The following SYNJ2 variants were observed in gnomAD, a reference collection of about 807,000 sequenced individuals.
The protein encoded by SYNJ2 is polyphosphatidylinositol phosphatase SYNJ2.
Under a neutral mutation model 141.3 loss-of-function variants are expected in SYNJ2, and 116 were observed. That is an observed-to-expected ratio of 0.82 (90% CI 0.71 to 0.96). The LOEUF (loss-of-function observed/expected upper bound fraction) is 0.96, where lower values mean the gene tolerates loss of function less well. Among genes scored for constraint, SYNJ2 ranks in the 40% least tolerant of loss-of-function variants. The pLI is 0.00. For missense variants in SYNJ2, 1,873 were observed against 1,934.8 expected, an observed-to-expected ratio of 0.97 and a Z score of 0.60; for synonymous variants, 745 against 777.7, an observed-to-expected ratio of 0.96 and a Z score of 0.70.
In SYNJ2 at chr6:158,066,615, C is replaced by T. The variant is rs149600523; in HGVS notation, c.1697C>T (p.Ser566Leu). The T allele has an allele frequency of 1.6e-5, 26 of 1,613,538 alleles. No individual in the cohort carries two copies. Among genetic ancestry groups the T allele is most frequent in the African/African-American group, 1.5e-4 (11 of 74,918 alleles). Residue 566 changes from serine to leucine, a missense_variant, in exon 12 of 27, where the codon TCG (serine) becomes TTG (leucine). Ser to Leu is a moderately radical substitution (Grantham distance 145). Coordinates refer to ENST00000355585, the MANE Select transcript of SYNJ2 (RefSeq NM_003898.4). ...TGGCTGCTCGACTCGCCCCAGCTCT[C>T]GGGAGCTACCGACTCCCAGGGTGAG... is the stretch of plus-strand genomic sequence containing the variant. ...TDWLLDSPQLSGATDSQDDSS... is the reference protein window; with the variant it reads ...TDWLLDSPQLLGATDSQDDSS...
intron 1 of SYNJ2, among the ~76,000 whole-genome samples, chr6:157,991,013 CCA>C (rs1777403061): frequency 6.6e-6 from 1 of 152,188 alleles, no homozygotes; most frequent in Non-Finnish European, 1.5e-5. Context: ...ATCCCAAGCC[CCA>C]GTCTCTTTTT....
intron 2 of SYNJ2, among the ~76,000 whole-genome samples, chr6:158,018,752 G>A (rs780695706): frequency 5.9e-5 from 9 of 152,272 alleles, no homozygotes; most frequent in East Asian, 3.9e-4. Flanking sequence ...CTTTGTCCCC[G>A]TTTACAGTAA....
chr6:158,047,045 G>A (rs929515382), intron 5 of SYNJ2, among the ~76,000 whole-genome samples: 6 of 152,118 alleles, frequency 3.9e-5, no homozygotes, highest in African/African-American at 7.2e-5. Flanking sequence ...GAAACCATTC[G>A]CCAAGTTTGT....
At chr6:157,985,623 C>G (rs781578030) in intron 1 of SYNJ2, among the ~76,000 whole-genome samples, 2 of 152,222 alleles carry the variant, frequency 1.3e-5, no homozygotes, top group Non-Finnish European at 2.9e-5. Context: ...CTCTTGTAAA[C>G]TTAGGGAAAA....
At chr6:158,083,867 C>T in intron 21 of SYNJ2, 134 bp from the exon 22 acceptor site, 1 of 1,097,976 alleles carries the variant, frequency 9.1e-7, no homozygotes, top group Admixed American at 1.8e-5. Flanking sequence ...ACCGTCCCTG[C>T]TGGCGCCTGG....
Position 158,070,427 on chromosome 6 carries a change from T to C in SYNJ2, c.1940+754T>C. 2.0e-6 allele frequency: 2 copies of C among 985,510 alleles called. No individual in the cohort carries two copies. The highest frequency in any genetic ancestry group is 2.4e-6 in the Non-Finnish European group (2 of 829,984). The allele number at this position is 985,510 out of a possible 1,614,324, so 61.0% of individuals were successfully genotyped here. On this transcript the variant is annotated intron_variant, in intron 14 of 26. Transcript: ENST00000355585. The surrounding 1 kb of genome is among the most constrained non-coding windows in gnomAD (Gnocchi z 4.0). Reference sequence around the variant, plus strand: ...GCTGCCCATAATCCTCTTCTCTGACTTTCAGAAGATGTTTAGGTCCCTGTC... The same window carrying C: ...GCTGCCCATAATCCTCTTCTCTGACCTTCAGAAGATGTTTAGGTCCCTGTC...
intron 4 of SYNJ2, among the ~76,000 whole-genome samples, chr6:158,038,992 C>A (rs1457081313): frequency 6.6e-6 from 1 of 152,222 alleles, no homozygotes; most frequent in South Asian, 2.1e-4. Flanking sequence ...GGGGGGTCAG[C>A]ATTCCTCCAA....
Position 158,028,884 on chromosome 6 carries a change from G to A in SYNJ2, c.343G>A (p.Glu115Lys). 6.2e-7 allele frequency: 1 copy of A among 1,614,208 alleles called. No individual in the cohort carries two copies. Among genetic ancestry groups the A allele is most frequent in the Non-Finnish European group, 8.5e-7 (1 of 1,180,028 alleles). Residue 115 changes from glutamate to lysine, a missense_variant, in exon 3 of 27, where the codon GAA (glutamate) becomes AAA (lysine). Physicochemically the swap from Glu to Lys is moderately conservative, Grantham distance 56. Coordinates refer to ENST00000355585, the MANE Select transcript of SYNJ2 (RefSeq NM_003898.4). ...TCTTCAGGAAGAGGCCAAGGAGGAGGAACGCCTCATAGCTTTGAAGAAAAT... is the reference window on the plus strand; with the variant it reads ...TCTTCAGGAAGAGGCCAAGGAGGAGAAACGCCTCATAGCTTTGAAGAAAAT... ...YPLQEEAKEEERLIALKKILS... is the reference protein window; with the variant it reads ...YPLQEEAKEEKRLIALKKILS...
chr6:158,028,255 A>G (rs111234006), intron 2 of SYNJ2: 2,950 of 166,384 alleles, frequency 0.018, 83 homozygotes, highest in African/African-American at 0.062. Flanking sequence ...CTGTGATCCA[A>G]TGACTTTGGG....
At chr6:157,981,845 G>T (rs890066034), upstream of SYNJ2, 10 of 935,090 alleles carry the variant, frequency 1.1e-5, no homozygotes, top group South Asian at 4.3e-4. This position sits in a 1 kb window ranked among gnomAD's most constrained non-coding sequence, Gnocchi z 6.4. Flanking sequence ...TGGCGCGGCG[G>T]GAGCGGCGGC....
chr6:158,016,626 C>A (rs1453283277), intron 1 of SYNJ2, among the ~76,000 whole-genome samples: 1 of 152,122 alleles, frequency 6.6e-6, no homozygotes, highest in East Asian at 1.9e-4. Flanking sequence ...GCTCCCTGCG[C>A]CTAATGGTTC....
chr6:158,024,822 C>G (rs1036947512), intron 2 of SYNJ2, among the ~76,000 whole-genome samples: 11 of 152,152 alleles, frequency 7.2e-5, no homozygotes, highest in African/African-American at 2.4e-4. Context: ...CTCCTGCAAT[C>G]CTGTAAATAA....
At position 158,071,907 on chromosome 6, in the gene SYNJ2, G is replaced by T. The variant is rs1240625405; in HGVS notation, c.2133+113G>T. On this transcript the variant is annotated intron_variant, in intron 15 of 26. Transcript: ENST00000355585. This position sits in a 1 kb window ranked among gnomAD's most constrained non-coding sequence, Gnocchi z 4.3. ...CAACCACAGGGAGGGCCCCTTCCTG[G>T]AGGGCTCAGCGCTGGGGGAGGGGGA... 4.7e-6 allele frequency: 6 copies of T among 1,266,794 alleles called. No individual in the cohort carries two copies. The East Asian group carries it at 1.5e-4, about 31-fold the overall frequency. 78.5% of individuals were successfully genotyped at this position (1,266,794 alleles called of 1,614,324 possible).
rs754883657 is a variant in SYNJ2 at position 158,095,687 on chromosome 6, G to T, written c.3814G>T (p.Val1272Phe). The T allele has an allele frequency of 6.2e-7, 1 of 1,614,108 alleles. No homozygotes were observed. Among genetic ancestry groups the T allele is most frequent in the Admixed American group, 1.7e-5 (1 of 60,006 alleles). The change falls in exon 27 of 27, where the codon GTT becomes TTT. Residue 1272 changes from valine (V) to phenylalanine (F), a missense_variant. Val to Phe is a conservative substitution (Grantham distance 50). Coordinates refer to ENST00000355585, the MANE Select transcript of SYNJ2 (RefSeq NM_003898.4). ...HFTIGPPETS[V>F]EAPPVVTAPR... The stretch of plus-strand genomic sequence containing the variant: ...TACAATCGGGCCCCCGGAGACAAGC[G>T]TTGAGGCCCCTCCTGTCGTGACAGC...
At chr6:158,038,069 A>C (rs1779734968) in intron 4 of SYNJ2, among the ~76,000 whole-genome samples, 1 of 152,054 alleles carries the variant, frequency 6.6e-6, no homozygotes, top group Non-Finnish European at 1.5e-5. Context: ...TGAATCTCCC[A>C]CCTCGGGCAG....
Position 157,981,994 on chromosome 6 carries a change from G to A in SYNJ2, c.33G>A (p.Gly11=). Residue 11 remains glycine, a synonymous_variant, in exon 1 of 27, where the codon GGG becomes GGA. Transcript: ENST00000355585. The surrounding 1 kb of genome is among the most constrained non-coding windows in gnomAD (Gnocchi z 6.4). ...TGAGCAAAGGGCTGCGGCTGCTGGG[G>A]CGCCTGGGGGCCGAGGGGGACTGTA... The part of the protein sequence containing the change: MALSKGLRLL[G]RLGAEGDCSV... 1 of 1,281,808 alleles carries A rather than the reference G, an allele frequency of 7.8e-7. No individual in the cohort carries two copies. 79.4% of individuals were successfully genotyped at this position (1,281,808 alleles called of 1,614,324 possible).
At chr6:158,044,241 A>C (rs1554242295) in intron 5 of SYNJ2, among the ~76,000 whole-genome samples, 1 of 152,134 alleles carries the variant, frequency 6.6e-6, no homozygotes, top group Non-Finnish European at 1.5e-5. Context: ...GCCAGGTTCC[A>C]GGGGGTGTTT....
At chr6:157,998,982 A>T (rs183496483) in intron 1 of SYNJ2, among the ~76,000 whole-genome samples, 16 of 152,288 alleles carry the variant, frequency 1.1e-4, no homozygotes, top group Admixed American at 4.6e-4. Context: ...GACACCATAA[A>T]CGTAGTGAAA....
At chr6:158,015,906 C>T (rs1052580070) in intron 1 of SYNJ2, among the ~76,000 whole-genome samples, 31 of 152,220 alleles carry the variant, frequency 2.0e-4, no homozygotes, top group African/African-American at 7.2e-4. Context: ...TGTACAACTC[C>T]ATGTTTCTAA....
Sources: gnomAD v4.1 joint callset for allele counts (sites outside exome capture counted in the v4.1 genomes callset) on GRCh38, gnomAD v4.1.1 for gene constraint, Gnocchi (gnomAD v3.1) non-coding constraint, MANE v1.5 for transcripts, NCBI Gene and HGNC (gene_info 2026-07-23, HGNC 2026-07-21) for gene names.